The following HNRNPLL variants were observed in gnomAD, a reference collection of about 807,000 sequenced individuals.
HNRNPLL encodes heterogeneous nuclear ribonucleoprotein L like.
HNRNPLL carries 25 observed loss-of-function variants against 67.1 expected under a neutral mutation model. The ratio of observed to expected loss-of-function variants is 0.37; its 90% CI spans 0.27 to 0.52. The LOEUF (loss-of-function observed/expected upper bound fraction) is 0.52. HNRNPLL is among the 20% of genes least tolerant of loss of function. The pLI is 0.90. For synonymous variants in HNRNPLL, 267 were observed against 241.7 expected (o/e 1.10, Z -0.97); for missense variants, 542 against 673.9 (o/e 0.80, Z 2.17).
At chr2:38,592,483 CAACTT>C (rs891690981) in intron 1 of HNRNPLL, among the ~76,000 whole-genome samples, 1 of 152,184 alleles carries the variant, frequency 6.6e-6, no homozygotes, top group Admixed American at 6.5e-5. Context: ...AAACACATGA[CAACTT>C]AAATTTATAC....
At position 38,581,736 on chromosome 2, in the gene HNRNPLL, T is replaced by C. The variant is rs2148358706; in HGVS notation, c.802+177A>G. The C allele has an allele frequency of 4.8e-6, 3 of 622,786 alleles. No individual in the cohort carries two copies. The South Asian group carries it at 5.8e-5, about 12-fold the overall frequency. The allele number at this position is 622,786 out of a possible 1,614,324, so 38.6% of individuals were successfully genotyped here. The stretch of plus-strand genomic sequence containing the variant: ...ATATAAATAGCTCAGTACATACCAG[T>C]AGGGGGCACTAATGTTCAAGGTTAT... On this transcript the variant is annotated intron_variant, in intron 6 of 12. Coordinates refer to ENST00000449105, the MANE Select transcript of HNRNPLL (RefSeq NM_138394.4).
chr2:38,568,094 AT>A, intron 12 of HNRNPLL, 104 bp downstream of exon 12: 2 of 681,826 alleles, frequency 2.9e-6, no homozygotes, highest in Admixed American at 3.2e-5. Context: ...ATTTATCTGT[AT>A]TTTTTAAGAA....
At chr2:38,574,734 T>G (rs1369792337) in intron 7 of HNRNPLL, among the ~76,000 whole-genome samples, 2 of 151,842 alleles carry the variant, frequency 1.3e-5, no homozygotes, top group South Asian at 4.1e-4. Context: ...TATCAATGTA[T>G]CATCAGTGTC....
At chr2:38,600,573 GA>G (rs993234686) in intron 1 of HNRNPLL, among the ~76,000 whole-genome samples, 5 of 149,066 alleles carry the variant, frequency 3.4e-5, no homozygotes, top group African/African-American at 1.2e-4. Context: ...ACAAAACACA[GA>G]AAAAAAAAAT....
At chr2:38,600,626 G>C (rs778793468) in intron 1 of HNRNPLL, among the ~76,000 whole-genome samples, 1 of 151,930 alleles carries the variant, frequency 6.6e-6, no homozygotes, top group Non-Finnish European at 1.5e-5. Context: ...CCAGCAACCC[G>C]GGAGGCTGAG....
At chr2:38,582,457 T>C (rs566583994) in intron 4 of HNRNPLL, among the ~76,000 whole-genome samples, 3 of 152,164 alleles carry the variant, frequency 2.0e-5, no homozygotes, top group Admixed American at 6.5e-5. Context: ...ACTACAGGTG[T>C]GTGCCACCGC....
chr2:38,576,925 CATA>C lies in HNRNPLL; in HGVS notation c.874+533_874+535del, dbSNP rs1666321372. On this transcript the variant is annotated intron_variant, in intron 7 of 12. Transcript: ENST00000449105. ...TGGGGCAGATTATTATTCTAGGTTC[CATA>C]ATCTTATCAACATAGCAAAAAGTAA... Among the ~76,000 whole-genome samples the C allele has an allele frequency of 2.6e-5, 4 of 151,850 alleles. No homozygotes were observed. The South Asian group carries it at 6.2e-4, about 24-fold the overall frequency.
chr2:38,598,493 G>A (rs1036889086), intron 1 of HNRNPLL, among the ~76,000 whole-genome samples: 1 of 152,186 alleles, frequency 6.6e-6, no homozygotes, highest in Admixed American at 6.5e-5. Context: ...CATCTGAGTT[G>A]TTGCTGTGGC....
In HNRNPLL at chr2:38,582,086, T is replaced by C. The variant is rs376506009; in HGVS notation, c.715A>G (p.Ile239Val). The C allele has an allele frequency of 6.2e-7, 1 of 1,613,118 alleles. No homozygotes were observed. Among genetic ancestry groups the C allele is most frequent in the Non-Finnish European group, 8.5e-7 (1 of 1,179,204 alleles). Residue 239 changes from isoleucine to valine, a missense_variant, in exon 5 of 13, where the codon ATT (isoleucine) becomes GTT (valine). Ile to Val is a conservative substitution (Grantham distance 29). Transcript: ENST00000449105. ...AAAATATTTACCCGTGCATATTCAATTTTTAGTGTGCAACATCCAGCATAT... is the reference window on the plus strand; with the variant it reads ...AAAATATTTACCCGTGCATATTCAACTTTTAGTGTGCAACATCCAGCATAT... ...DIYAGCCTLK[I>V]EYARPTRLNV... is the part of the protein sequence containing the mutation.
intron 12 of HNRNPLL, 52 bp downstream of exon 12, chr2:38,568,147 T>A: frequency 1.9e-6 from 2 of 1,065,882 alleles, no homozygotes; most frequent in Non-Finnish European, 2.8e-6. Context: ...AATGTTTCTG[T>A]GATGGTAACT....
intron 12 of HNRNPLL, 145 bp downstream of exon 12, chr2:38,568,054 T>C: frequency 3.4e-6 from 2 of 587,616 alleles, no homozygotes; most frequent in South Asian, 2.3e-5. Flanking sequence ...AGATAACTAA[T>C]ACAGGAATTA....
At chr2:38,595,272 TA>T (rs70954734) in intron 1 of HNRNPLL, among the ~76,000 whole-genome samples, 1,040 of 68,764 alleles carry the variant, frequency 0.015, 6 homozygotes, top group African/African-American at 0.02. Flanking sequence ...AGACCTTGTC[TA>T]AAAAAAAAAA....
At chr2:38,593,013 T>C (rs899385938) in intron 1 of HNRNPLL, among the ~76,000 whole-genome samples, 1 of 152,164 alleles carries the variant, frequency 6.6e-6, no homozygotes, top group Admixed American at 6.5e-5. Context: ...ATGTCACAAC[T>C]GAAAGAAAGG....
chr2:38,582,294 G>C, intron 4 of HNRNPLL, 126 bp from the exon 5 acceptor site: 1 of 718,870 alleles, frequency 1.4e-6, no homozygotes, highest in Non-Finnish European at 2.4e-6. Context: ...ACCAATTTCA[G>C]GATGAATTTT....
chr2:38,583,898 A>G lies in HNRNPLL; in HGVS notation c.575T>C (p.Val192Ala). 6 of 1,565,112 alleles carry G rather than the reference A, an allele frequency of 3.8e-6. No individual in the cohort carries two copies. The highest frequency in any genetic ancestry group is 4.4e-6 in the Non-Finnish European group (5 of 1,140,938). ...TATAACAATACGTTGCACTTTGCCA[A>G]CAGGGTTGCATACAGTATATAAAAC... is the stretch of plus-strand genomic sequence containing the variant. The part of the protein sequence containing the change: ...VDVLYTVCNP[V>A]GKVQRIVIFK... Residue 192 changes from valine to alanine, a missense_variant, in exon 4 of 13, where the codon GTT becomes GCT. This residue lies in a region of HNRNPLL where 415 missense variants were observed against 575.2 expected (regional missense o/e 0.72). Coordinates refer to ENST00000449105, the MANE Select transcript of HNRNPLL (RefSeq NM_138394.4).
intron 1 of HNRNPLL, 189 bp downstream of exon 1, chr2:38,602,249 G>A: frequency 7.0e-6 from 4 of 573,140 alleles, no homozygotes; most frequent in Non-Finnish European, 1.2e-5. Flanking sequence ...GACGGCGCCG[G>A]GTTCGCAGTC....
At chr2:38,575,409 C>T (rs1041534423) in intron 7 of HNRNPLL, among the ~76,000 whole-genome samples, 2 of 151,750 alleles carry the variant, frequency 1.3e-5, no homozygotes, top group African/African-American at 4.8e-5. Context: ...TAAAATCTTT[C>T]GTCTACAAAC....
chr2:38,573,135 G>A (rs1358219887), intron 8 of HNRNPLL, 75 bp downstream of exon 8: 10 of 912,554 alleles, frequency 1.1e-5, no homozygotes, highest in Non-Finnish European at 1.5e-5. Context: ...ACAAGGAGAA[G>A]ACACATATTT....
intron 12 of HNRNPLL, among the ~76,000 whole-genome samples, chr2:38,565,727 CAAAAAAAAAAAAA>C (rs200356084): frequency 1.5e-4 from 11 of 73,286 alleles, no homozygotes; most frequent in African/African-American, 3.0e-4. Flanking sequence ...GACCCTGTCT[CAAAAAAAAAAAAA>C]AAAAAAAAAA....
Sources: gnomAD v4.1 joint callset for allele counts (sites outside exome capture counted in the v4.1 genomes callset) on GRCh38, gnomAD v4.1.1 for gene constraint, gnomAD v4.1.1 regional missense constraint, MANE v1.5 for transcripts, NCBI Gene and HGNC (gene_info 2026-07-23, HGNC 2026-07-21) for gene names.